BCAT1: variants seen among roughly 807,000 people sequenced by gnomAD.
BCAT1 encodes the protein branched chain amino acid transaminase 1, also known as branched-chain-amino-acid aminotransferase, cytosolic.
Under a neutral mutation model 52.4 loss-of-function variants are expected in BCAT1, and 48 were observed. That is an observed-to-expected ratio of 0.92 (90% CI 0.73 to 1.16). The LOEUF (loss-of-function observed/expected upper bound fraction) is 1.16, where lower values mean the gene tolerates loss of function less well. Ranked by LOEUF, BCAT1 falls within the 50% of genes most tolerant of loss-of-function variation. The pLI is 0.00. For synonymous variants in BCAT1, 167 were observed against 161.3 expected, an observed-to-expected ratio of 1.04 and a Z score of -0.27; for missense variants, 451 against 457.1, an observed-to-expected ratio of 0.99 and a Z score of 0.12.
chr12:24,888,999 C>A (rs974868582), intron 3 of BCAT1, among the ~76,000 whole-genome samples: 6 of 152,158 alleles, frequency 3.9e-5, no homozygotes, highest in African/African-American at 1.4e-4. Flanking sequence ...TAGGGTGGGG[C>A]AACCAGACTT....
chr12:24,919,215 A>C (rs1943466094), intron 1 of BCAT1, among the ~76,000 whole-genome samples: 1 of 152,230 alleles, frequency 6.6e-6, no homozygotes, highest in Non-Finnish European at 1.5e-5. Flanking sequence ...AAATATGGCT[A>C]TTTATTCAGG....
intron 3 of BCAT1, 66 bp downstream of exon 3, chr12:24,894,209 G>A (rs1456082856): frequency 6.7e-7 from 1 of 1,486,760 alleles, no homozygotes; most frequent in Non-Finnish European, 9.3e-7. Flanking sequence ...ATTTTAGCAG[G>A]AGAAGCTACT....
chr12:24,894,557 AGG>A, intron 2 of BCAT1, 82 bp from the exon 3 acceptor site: 1 of 1,117,670 alleles, frequency 8.9e-7, no homozygotes, highest in Non-Finnish European at 1.3e-6. Flanking sequence ...AAAAAAAAAA[AGG>A]AAATCAATTG....
At chr12:24,881,458 A>C (rs1942496026) in intron 3 of BCAT1, 47 bp from the exon 4 acceptor site, 5 of 1,306,164 alleles carry the variant, frequency 3.8e-6, no homozygotes, top group Non-Finnish European at 5.5e-6. Context: ...AAAAGAAAAC[A>C]ACCCGTGTTC....
At chr12:24,930,351 T>C (rs545308537) in intron 1 of BCAT1, among the ~76,000 whole-genome samples, 1 of 152,304 alleles carries the variant, frequency 6.6e-6, no homozygotes, top group African/African-American at 2.4e-5. Context: ...CCTTTTGAGG[T>C]GTTTCTATGA....
intron 1 of BCAT1, among the ~76,000 whole-genome samples, chr12:24,926,829 G>A (rs190333875): frequency 3.3e-5 from 5 of 151,732 alleles, no homozygotes; most frequent in Admixed American, 1.3e-4. Flanking sequence ...GCGGAAGGCC[G>A]CAGGGTCCTC....
At chr12:24,942,271 C>A (rs1943861110) in intron 1 of BCAT1, among the ~76,000 whole-genome samples, 1 of 152,096 alleles carries the variant, frequency 6.6e-6, no homozygotes, top group Non-Finnish European at 1.5e-5. Context: ...TAAAAGATGG[C>A]TGGCTGGGCA....
chr12:24,848,526 T>A (rs781500546), intron 6 of BCAT1, among the ~76,000 whole-genome samples: 3 of 152,224 alleles, frequency 2.0e-5, no homozygotes, highest in Non-Finnish European at 4.4e-5. Flanking sequence ...CCAGGTTATC[T>A]TTTTCCTAAA....
chr12:24,863,045 C>A (rs918111876), intron 5 of BCAT1, among the ~76,000 whole-genome samples: 1 of 152,032 alleles, frequency 6.6e-6, no homozygotes, highest in African/African-American at 2.4e-5. Flanking sequence ...ATTTGCCAGC[C>A]CTGTTCAAAG....
At position 24,903,351 on chromosome 12, in the gene BCAT1, C is replaced by G. The variant is rs77604091; in HGVS notation, c.7-1466G>C. The G allele has an allele frequency of 7.8e-3, 1,743 of 223,456 alleles. 59 individuals are homozygous for G. Among genetic ancestry groups the G allele is most frequent in the Admixed American group, 0.061 (1,047 of 17,300 alleles). 13.8% of individuals were successfully genotyped at this position (223,456 alleles called of 1,614,324 possible). On this transcript the variant is annotated intron_variant, in intron 1 of 10. Coordinates refer to ENST00000261192, the MANE Select transcript of BCAT1 (RefSeq NM_005504.7). Reference sequence around the variant, plus strand: ...ATTAAACAACCTCTAGGTGAATGGCCGGGAAGCGCCCCTCGGTCAAGGCTA... The same window carrying G: ...ATTAAACAACCTCTAGGTGAATGGCGGGGAAGCGCCCCTCGGTCAAGGCTA...
intron 1 of BCAT1, among the ~76,000 whole-genome samples, chr12:24,938,330 G>A (rs536175863): frequency 6.6e-6 from 1 of 152,214 alleles, no homozygotes; most frequent in Admixed American, 6.5e-5. Context: ...CCTCACCTAA[G>A]ACCAGGAGGA....
rs1487457969 is a variant in BCAT1, at chr12:24,810,256, C to T, written c.*7752G>A. On this transcript the variant is annotated 3_prime_UTR_variant, in exon 11 of 11. Coordinates refer to ENST00000261192, the MANE Select transcript of BCAT1 (RefSeq NM_005504.7). ...GAAATGCGATCCTGCAAGTTGTCAC[C>T]ACTATACATAAAGTCAGGCTATGAT... The T allele has an allele frequency of 6.6e-6, 1 of 152,058 alleles. No individual in the cohort carries two copies. Among genetic ancestry groups the T allele is most frequent in the Non-Finnish European group, 1.5e-5 (1 of 68,008 alleles). 9.4% of individuals were successfully genotyped at this position (152,058 alleles called of 1,614,324 possible).
intron 5 of BCAT1, among the ~76,000 whole-genome samples, chr12:24,859,525 G>A (rs900086942): frequency 6.6e-6 from 1 of 150,588 alleles, no homozygotes; most frequent in African/African-American, 2.5e-5. Flanking sequence ...GGAGGCTGAG[G>A]CAGGAGAATG....
chr12:24,910,427 T>A (rs542938365), intron 1 of BCAT1, among the ~76,000 whole-genome samples: 10 of 144,800 alleles, frequency 6.9e-5, no homozygotes, highest in African/African-American at 2.1e-4. Context: ...ATAAATAAAT[T>A]ATTGTTTTAA....
intron 1 of BCAT1, among the ~76,000 whole-genome samples, chr12:24,909,250 G>T (rs1387664126): frequency 1.3e-5 from 2 of 152,074 alleles, no homozygotes; most frequent in African/African-American, 4.8e-5. Flanking sequence ...CATGCTTCCT[G>T]GTTGGTATTG....
chr12:24,922,400 C>T (rs1251565725), intron 1 of BCAT1, among the ~76,000 whole-genome samples: 1 of 152,200 alleles, frequency 6.6e-6, no homozygotes, highest in African/African-American at 2.4e-5. Flanking sequence ...ACTCATCCTA[C>T]ATCCGGCCCC....
At chr12:24,828,732 A>G (rs191819775) in intron 10 of BCAT1, among the ~76,000 whole-genome samples, 1 of 152,196 alleles carries the variant, frequency 6.6e-6, no homozygotes, top group Non-Finnish European at 1.5e-5. Flanking sequence ...CTGGCTGGGC[A>G]TGGTGGCTCA....
Position 24,816,654 on chromosome 12 carries a change from A to C in BCAT1, c.*1354T>G, listed in dbSNP as rs536795823. ...TTGACATAAAACATTTGTCATTTCCATTTGGTTGGTATGATATCATGACCT... is the reference window on the plus strand; with the variant it reads ...TTGACATAAAACATTTGTCATTTCCCTTTGGTTGGTATGATATCATGACCT... On this transcript the variant is annotated 3_prime_UTR_variant, in exon 11 of 11. Coordinates refer to ENST00000261192, the MANE Select transcript of BCAT1 (RefSeq NM_005504.7). 6.6e-5 allele frequency: 26 copies of C among 396,690 alleles called. No homozygotes were observed. Among genetic ancestry groups the C allele is most frequent in the Non-Finnish European group, 7.1e-5 (16 of 225,180 alleles). 24.6% of individuals were successfully genotyped at this position (396,690 alleles called of 1,614,324 possible). A position where few individuals can be genotyped will look rare whatever the true frequency, so the allele number is the denominator to read the frequency against.
intron 1 of BCAT1, among the ~76,000 whole-genome samples, chr12:24,946,157 C>A (rs1488951210): frequency 6.6e-6 from 1 of 152,176 alleles, no homozygotes; most frequent in African/African-American, 2.4e-5. Flanking sequence ...CATTTAGAAA[C>A]AATCTTTCAT....
Sources: allele counts gnomAD v4.1 joint callset (sites outside exome capture counted in the v4.1 genomes callset), GRCh38; gene constraint gnomAD v4.1.1; transcripts MANE v1.5; gene names NCBI Gene and HGNC (gene_info 2026-07-23, HGNC 2026-07-21).